Variants in DLGAP4 observed in about 807,000 individuals in gnomAD.
DLGAP4 encodes DLG associated protein 4, also known as disks large-associated protein 4.
A neutral mutation model predicts 86.9 loss-of-function variants in DLGAP4; 18 were observed. The observed-to-expected ratio is 0.21, with a 90% confidence interval of 0.14 to 0.31. The LOEUF (loss-of-function observed/expected upper bound fraction) is 0.31. DLGAP4 is among the 10% of genes least tolerant of loss of function. The pLI is 1.00. For missense variants in DLGAP4, 1,085 were observed against 1,362.6 expected (o/e 0.80, Z 3.21); for synonymous variants, 548 against 574.3 (o/e 0.95, Z 0.65).
intron 11 of DLGAP4, 107 bp from the exon 12 acceptor site, chr20:36,525,744 C>T (rs1435308639): frequency 3.4e-6 from 5 of 1,488,242 alleles, no homozygotes; most frequent in Non-Finnish European, 4.6e-6. Flanking sequence ...CTCAAGAGCC[C>T]CCGCGGGTGC....
intron 1 of DLGAP4, among the ~76,000 whole-genome samples, chr20:36,323,583 A>G (rs570184250): frequency 6.6e-6 from 1 of 152,206 alleles, no homozygotes; most frequent in South Asian, 2.1e-4. Flanking sequence ...GTCTTTTGGG[A>G]AACTTTTGCG....
chr20:36,385,192 GT>G lies in DLGAP4; in HGVS notation c.-73+17919del, dbSNP rs148590272. Among the ~76,000 whole-genome samples, 1,086 of 152,200 alleles carry G rather than the reference GT, an allele frequency of 7.1e-3. 18 individuals carry two copies. The highest frequency in any genetic ancestry group is 0.025 in the African/African-American group (1,048 of 41,536). On this transcript the variant is annotated intron_variant, in intron 2 of 12. Coordinates refer to ENST00000339266, the MANE Select transcript of DLGAP4 (RefSeq NM_001365621.2). ...AGCCCCACGAAGATGAGGAAATACT[GT>G]TGTGTCACAAACAGGGGCTGTGTGT...
At chr20:36,512,271 T>A (rs906056974) in intron 10 of DLGAP4, among the ~76,000 whole-genome samples, 2 of 151,914 alleles carry the variant, frequency 1.3e-5, no homozygotes, top group African/African-American at 4.8e-5. Context: ...AGGATGGTCT[T>A]GATCTCCTGA....
intron 1 of DLGAP4, among the ~76,000 whole-genome samples, chr20:36,351,923 T>C (rs2030167481): frequency 6.6e-6 from 1 of 152,142 alleles, no homozygotes; most frequent in Admixed American, 6.6e-5. Flanking sequence ...GGGTGTGATG[T>C]GCTGCCGGCC....
intron 6 of DLGAP4, among the ~76,000 whole-genome samples, chr20:36,445,580 A>T (rs1394589195): frequency 6.6e-6 from 1 of 152,216 alleles, no homozygotes; most frequent in East Asian, 1.9e-4. Flanking sequence ...TAGTTGTTTG[A>T]CCTGATGCAG....
chr20:36,417,160 C>G (rs1569492406), intron 2 of DLGAP4, among the ~76,000 whole-genome samples: 1 of 152,076 alleles, frequency 6.6e-6, no homozygotes, highest in Non-Finnish European at 1.5e-5. Flanking sequence ...CTTCTAGACA[C>G]AGGGGTCTGG....
At chr20:36,351,715 G>T (rs2030160086) in intron 1 of DLGAP4, among the ~76,000 whole-genome samples, 1 of 152,110 alleles carries the variant, frequency 6.6e-6, no homozygotes, top group Admixed American at 6.6e-5. Flanking sequence ...TGGCGAAAAG[G>T]TTGGGGACCA....
chr20:36,328,386 A>G (rs1289291309), intron 1 of DLGAP4, among the ~76,000 whole-genome samples: 2 of 151,876 alleles, frequency 1.3e-5, no homozygotes, highest in Admixed American at 1.3e-4. Context: ...CCCCAGAGTC[A>G]CCCTAGAAGC....
At chr20:36,460,705 CG>C (rs1039243952) in intron 7 of DLGAP4, among the ~76,000 whole-genome samples, 4 of 152,128 alleles carry the variant, frequency 2.6e-5, no homozygotes, top group African/African-American at 9.7e-5. Flanking sequence ...AGGGGACTCG[CG>C]GGGTAGAAGC....
intron 7 of DLGAP4, among the ~76,000 whole-genome samples, chr20:36,477,964 G>A (rs2035020271): frequency 6.6e-6 from 1 of 152,170 alleles, no homozygotes; most frequent in African/African-American, 2.4e-5. Flanking sequence ...TCAGTCTTTC[G>A]AAGGACAGTA....
intron 7 of DLGAP4, among the ~76,000 whole-genome samples, chr20:36,453,097 T>C (rs2033783319): frequency 1.3e-5 from 2 of 152,138 alleles, no homozygotes; most frequent in South Asian, 2.1e-4. Flanking sequence ...CCTCCCAAAG[T>C]GCTGGGATTA....
At chr20:36,442,637 A>C in intron 5 of DLGAP4, 90 bp from the exon 6 acceptor site, 1 of 1,448,154 alleles carries the variant, frequency 6.9e-7, no homozygotes, top group Non-Finnish European at 9.7e-7. Context: ...TAGACCAGCC[A>C]GCTTCAAGTT....
At chr20:36,389,639 C>A (rs568978700) in intron 2 of DLGAP4, among the ~76,000 whole-genome samples, 104 of 152,028 alleles carry the variant, frequency 6.8e-4, no homozygotes, top group Non-Finnish European at 1.2e-3. Context: ...AAAAAAATTA[C>A]CTTACATAAG....
chr20:36,399,739 A>AT (rs1453741937), intron 2 of DLGAP4, among the ~76,000 whole-genome samples: 2 of 152,212 alleles, frequency 1.3e-5, no homozygotes, highest in African/African-American at 4.8e-5. Context: ...TAGAGTGCAG[A>AT]TTCGAGGATT....
intron 1 of DLGAP4, among the ~76,000 whole-genome samples, chr20:36,311,137 C>G (rs1187565497): frequency 2.0e-5 from 3 of 151,448 alleles, no homozygotes; most frequent in Admixed American, 6.6e-5. Context: ...TAGCCACAGC[C>G]AGGGTTAGGA....
At chr20:36,363,883 C>T (rs1357391662) in intron 1 of DLGAP4, among the ~76,000 whole-genome samples, 1 of 152,086 alleles carries the variant, frequency 6.6e-6, no homozygotes, top group Non-Finnish European at 1.5e-5. Flanking sequence ...ATGATCGTGG[C>T]AATGGTTACC....
chr20:36,442,626 T>C lies in DLGAP4; in HGVS notation c.1357-101T>C, dbSNP rs73277334. ...TGTCCCAGCCAGTCTGGGGAGGAGG[T>C]TAGACCAGCCAGCTTCAAGTTTCCT... On this transcript the variant is annotated intron_variant, in intron 5 of 12. Transcript: ENST00000339266. The C allele has an allele frequency of 2.1e-3, 2,786 of 1,357,238 alleles. 44 individuals carry two copies. In the African/African-American group the frequency reaches 0.035, roughly 17 times the overall value. 84.1% of individuals were successfully genotyped at this position (1,357,238 alleles called of 1,614,324 possible).
chr20:36,371,882 C>T (rs1157055648), intron 2 of DLGAP4, among the ~76,000 whole-genome samples: 1 of 151,980 alleles, frequency 6.6e-6, no homozygotes, highest in Non-Finnish European at 1.5e-5. Flanking sequence ...GTGATCTTTG[C>T]TTCTTCTTTC....
At chr20:36,519,874 T>G (rs2037267666) in intron 10 of DLGAP4, among the ~76,000 whole-genome samples, 1 of 152,174 alleles carries the variant, frequency 6.6e-6, no homozygotes, top group African/African-American at 2.4e-5. Flanking sequence ...CACTGCAGCC[T>G]TGACCTTCTG....
Sources: gnomAD v4.1 joint callset for allele counts (sites outside exome capture counted in the v4.1 genomes callset) on GRCh38, gnomAD v4.1.1 for gene constraint, MANE v1.5 for transcripts, NCBI Gene and HGNC (gene_info 2026-07-23, HGNC 2026-07-21) for gene names.